Variants in NBPF15 observed in about 807,000 individuals in gnomAD.
The protein encoded by NBPF15 is NBPF member 15.
Under a neutral mutation model 62.2 loss-of-function variants are expected in NBPF15, and 74 were observed. The ratio of observed to expected loss-of-function variants is 1.19; its 90% CI spans 0.99 to 1.44. The LOEUF (loss-of-function observed/expected upper bound fraction) is 1.44, where lower values mean the gene tolerates loss of function less well. NBPF15 is among the 40% of genes most tolerant of loss of function. The pLI is 0.00. For missense variants in NBPF15, 790 were observed against 550.0 expected, an observed-to-expected ratio of 1.44 and a Z score of -4.36; for synonymous variants, 244 against 209.7, an observed-to-expected ratio of 1.16 and a Z score of -1.41.
intron 9 of NBPF15, among the ~76,000 whole-genome samples, chr1:144,437,591 G>C (rs1465920532): frequency 6.6e-6 from 1 of 151,324 alleles, no homozygotes; most frequent in Non-Finnish European, 1.5e-5. Flanking sequence ...GCCGCAGTCA[G>C]TCAGGAGGTG....
chr1:144,425,157 C>A (rs1553539060), intron 19 of NBPF15, among the ~76,000 whole-genome samples: 1 of 143,872 alleles, frequency 7.0e-6, no homozygotes, highest in Non-Finnish European at 1.5e-5. Flanking sequence ...CCAGGTGACA[C>A]ACTGATGAGG....
rs782608077 is a variant in NBPF15, at chr1:144,423,266, G to C, written c.1770-10C>G. 2 of 1,611,376 alleles carry C rather than the reference G, an allele frequency of 1.2e-6. No individual in the cohort carries two copies. The highest frequency in any genetic ancestry group is 1.3e-5 in the African/African-American group (1 of 74,822). On this transcript the variant is annotated splice_polypyrimidine_tract_variant and intron_variant, in intron 21 of 21. Coordinates refer to ENST00000581897, the MANE Select transcript of NBPF15 (RefSeq NM_001385408.1). ...CAGCACGCCGTAGAGCCTGGAAAAG[G>C]AGACAAAACTAAAGAAGCAGCCAGG... is the stretch of plus-strand genomic sequence containing the variant.
chr1:144,459,245 C>T (rs1208038822), intron 3 of NBPF15, 121 bp downstream of exon 3: 2 of 152,006 alleles, frequency 1.3e-5, no homozygotes, highest in Non-Finnish European at 2.9e-5. Flanking sequence ...AATCCCAACA[C>T]TTTGGGAGGC....
rs1225794286 is a variant in NBPF15, at chr1:144,422,576, G to A, written c.*437C>T. ...TCCCTCCTGTGTTACAGATGGATCA[G>A]CTAAAACAAGCCAACACTGAAGACA... On this transcript the variant is annotated 3_prime_UTR_variant, in exon 22 of 22. Transcript: ENST00000581897. The A allele has an allele frequency of 4.8e-5, 11 of 228,376 alleles. No homozygotes were observed. Among genetic ancestry groups the A allele is most frequent in the Non-Finnish European group, 7.1e-5 (9 of 127,462 alleles). 14.1% of individuals were successfully genotyped at this position (228,376 alleles called of 1,614,324 possible).
At position 144,422,904 on chromosome 1, in the gene NBPF15, A is replaced by AC. The variant is rs1321239875; in HGVS notation, c.*108dup. On this transcript the variant is annotated 3_prime_UTR_variant, in exon 22 of 22. Coordinates refer to ENST00000581897, the MANE Select transcript of NBPF15 (RefSeq NM_001385408.1). ...AATAGGAATAGAGCCATGCTCACTG[A>AC]CCCATCCTATGTCTGGGCTTCCAAA... is the stretch of plus-strand genomic sequence containing the variant. 2 of 1,608,940 alleles carry AC rather than the reference A, an allele frequency of 1.2e-6. No homozygotes were observed. The highest frequency in any genetic ancestry group is 1.7e-6 in the Non-Finnish European group (2 of 1,178,328).
intron 4 of NBPF15, among the ~76,000 whole-genome samples, chr1:144,453,418 A>G (rs1389907975): frequency 1.3e-5 from 2 of 151,876 alleles, no homozygotes; most frequent in Admixed American, 1.3e-4. Context: ...CCTGGGTTCA[A>G]TGATGGCTTC....
chr1:144,452,912 A>G (rs1553545863), intron 4 of NBPF15, among the ~76,000 whole-genome samples: 1 of 151,816 alleles, frequency 6.6e-6, no homozygotes. Context: ...AATGGTACTG[A>G]CAGATTACTA....
At chr1:144,437,449 A>T (rs1484376999) in intron 9 of NBPF15, among the ~76,000 whole-genome samples, 2 of 145,450 alleles carry the variant, frequency 1.4e-5, no homozygotes, top group Non-Finnish European at 3.0e-5. Context: ...CACATAGTGC[A>T]TCTTGCGGCC....
At chr1:144,448,465 G>A (rs1255060452) in intron 6 of NBPF15, among the ~76,000 whole-genome samples, 3 of 151,930 alleles carry the variant, frequency 2.0e-5, no homozygotes, top group African/African-American at 7.3e-5. Context: ...GTACATAAAG[G>A]GAGGGGACAG....
chr1:144,422,878 G>A lies in NBPF15; in HGVS notation c.*135C>T. ...ACAGGTTGCCAATGGCATGGTTTGA[G>A]AATAGGAATAGAGCCATGCTCACTG... On this transcript the variant is annotated 3_prime_UTR_variant, in exon 22 of 22. Transcript: ENST00000581897. 6.3e-7 allele frequency: 1 copy of A among 1,588,718 alleles called. No homozygotes were observed. The highest frequency in any genetic ancestry group is 1.7e-5 in the Admixed American group (1 of 57,608).
At chr1:144,453,384 A>G (rs1341139687) in intron 4 of NBPF15, among the ~76,000 whole-genome samples, 2 of 151,944 alleles carry the variant, frequency 1.3e-5, no homozygotes, top group African/African-American at 2.4e-5. Flanking sequence ...CCTAGGAGAT[A>G]ACATAGGAGA....
chr1:144,434,973 A>G, intron 12 of NBPF15, 138 bp downstream of exon 12: 8 of 1,512,606 alleles, frequency 5.3e-6, no homozygotes, highest in Non-Finnish European at 7.2e-6. Flanking sequence ...TGAGAAGGAC[A>G]AAAAAACTCC....
At chr1:144,448,050 AC>A (rs1238434422) in intron 6 of NBPF15, among the ~76,000 whole-genome samples, 1 of 152,022 alleles carries the variant, frequency 6.6e-6, no homozygotes, top group African/African-American at 2.4e-5. Context: ...ACGCTTCTTC[AC>A]CTTTTCAATA....
intron 8 of NBPF15, among the ~76,000 whole-genome samples, chr1:144,439,358 C>A (rs1345773038): frequency 6.6e-6 from 1 of 151,992 alleles, no homozygotes; most frequent in Non-Finnish European, 1.5e-5. Flanking sequence ...TGAAGCCCCT[C>A]AGAGCAGGTA....
chr1:144,428,120 A>C (rs1671196585), intron 15 of NBPF15, 130 bp from the exon 16 acceptor site: 1 of 676,732 alleles, frequency 1.5e-6, no homozygotes, highest in African/African-American at 1.8e-5. Flanking sequence ...TGAGGTAACA[A>C]ATTATTGCCT....
At chr1:144,428,928 T>A (rs1433565962) in intron 14 of NBPF15, among the ~76,000 whole-genome samples, 9 of 152,178 alleles carry the variant, frequency 5.9e-5, no homozygotes, top group Admixed American at 5.9e-4. Context: ...GAGCAATTTT[T>A]TCCCCAATAA....
intron 4 of NBPF15, among the ~76,000 whole-genome samples, chr1:144,455,044 A>G (rs1297522196): frequency 6.6e-6 from 1 of 151,066 alleles, no homozygotes; most frequent in Non-Finnish European, 1.5e-5. Context: ...AAAGAAAAAG[A>G]AAAGAAGAAA....
At chr1:144,446,253 A>G (rs1687462261) in intron 6 of NBPF15, among the ~76,000 whole-genome samples, 2 of 149,864 alleles carry the variant, frequency 1.3e-5, no homozygotes, top group African/African-American at 5.1e-5. Context: ...ATATACAGAA[A>G]TACAAAAGAC....
At position 144,440,229 on chromosome 1, in the gene NBPF15, A is replaced by G. The variant is rs1681763421; in HGVS notation, c.-124T>C. The G allele has an allele frequency of 2.6e-6, 4 of 1,522,750 alleles. No homozygotes were observed. The highest frequency in any genetic ancestry group is 3.5e-6 in the Non-Finnish European group (4 of 1,133,500). The allele number at this position is 1,522,750 out of a possible 1,614,324, so 94.3% of individuals were successfully genotyped here. A position where few individuals can be genotyped will look rare whatever the true frequency, so the allele number is the denominator to read the frequency against. ...CGAGGTGCCTCAACTCAGAGCTGAA[A>G]GCACTGTCAGTAGCGCAGACTCTGA... On this transcript the variant is annotated 5_prime_UTR_variant, in exon 7 of 22. Coordinates refer to ENST00000581897, the MANE Select transcript of NBPF15 (RefSeq NM_001385408.1).
Sources: allele counts gnomAD v4.1 joint callset (sites outside exome capture counted in the v4.1 genomes callset), GRCh38; gene constraint gnomAD v4.1.1; transcripts MANE v1.5; gene names NCBI Gene and HGNC (gene_info 2026-07-23, HGNC 2026-07-21).